Variants in ROBO2 observed in about 807,000 individuals in gnomAD.
ROBO2 encodes roundabout guidance receptor 2, also known as roundabout homolog 2.
A neutral mutation model predicts 160.8 loss-of-function variants in ROBO2; 53 were observed. That is an observed-to-expected ratio of 0.33 (90% CI 0.26 to 0.41). ROBO2 has a LOEUF of 0.41. Among genes scored for constraint, ROBO2 ranks in the 10% least tolerant of loss-of-function variants. ROBO2 has a pLI of 1.00. For synonymous variants in ROBO2, 664 were observed against 611.7 expected (o/e 1.09, Z -1.26); for missense variants, 1,577 against 1,722.4 (o/e 0.92, Z 1.49).
intron 2 of ROBO2, among the ~76,000 whole-genome samples, chr3:76,199,724 T>G (rs1559633578): frequency 6.6e-6 from 1 of 152,168 alleles, no homozygotes; most frequent in Non-Finnish European, 1.5e-5. Flanking sequence ...TCTAGTTTTG[T>G]TCCCACTTCC....
At chr3:77,072,333 T>G (rs1430617201) in intron 1 of ROBO2, among the ~76,000 whole-genome samples, 2 of 152,160 alleles carry the variant, frequency 1.3e-5, no homozygotes, top group African/African-American at 4.8e-5. Context: ...GGAAATAAAG[T>G]GCACAGTAAA....
At chr3:76,998,069 A>G (rs564719106) in intron 2 of ROBO2, among the ~76,000 whole-genome samples, 37 of 152,310 alleles carry the variant, frequency 2.4e-4, no homozygotes, top group Admixed American at 2.0e-3. Context: ...GCAAGCCACA[A>G]GACCAGCTCA....
At chr3:76,547,111 C>A (rs901129164) in intron 2 of ROBO2, among the ~76,000 whole-genome samples, 3 of 151,916 alleles carry the variant, frequency 2.0e-5, no homozygotes, top group African/African-American at 4.8e-5. Context: ...TTGATACAGT[C>A]CAACTAGTAT....
chr3:77,194,218 A>G (rs966727878), intron 2 of ROBO2, among the ~76,000 whole-genome samples: 2 of 152,200 alleles, frequency 1.3e-5, no homozygotes, highest in Non-Finnish European at 2.9e-5. Flanking sequence ...CAATCAATTT[A>G]CAGACTTGCT....
In ROBO2 at chr3:75,997,499, C is replaced by CTTTTTTTTTTTTTTTT. The variant is rs56890342; in HGVS notation, c.109+59908_109+59909insTTTTTTTTTTTTTTTT. ...AAGGCATTTGTTTTGTTCATCCATT[C>CTTTTTTTTTTTTTTTT]TTTTTTTTTTTGAGACGGAGTCTCT... On this transcript the variant is annotated intron_variant, in intron 2 of 26. Coordinates refer to the ROBO2 transcript ENST00000487694. 3.0e-4 allele frequency among the ~76,000 whole-genome samples: 38 copies of CTTTTTTTTTTTTTTTT among 126,502 alleles called. 6 individuals are homozygous for CTTTTTTTTTTTTTTTT. The highest frequency in any genetic ancestry group is 3.1e-4 in the Non-Finnish European group (19 of 60,832). 83.0% of individuals were successfully genotyped at this position (126,502 alleles called of 152,430 possible).
At position 75,995,949 on chromosome 3, in the gene ROBO2, G is replaced by A. The variant is rs527615831; in HGVS notation, c.109+58347G>A. ...TTGGCCAATTTCTCCCTTTTGGAAT[G>A]GGTGCATTTACCCAATGCTTATACC... On this transcript the variant is annotated intron_variant, in intron 2 of 26. Coordinates refer to the ROBO2 transcript ENST00000487694. Among the ~76,000 whole-genome samples, 7 of 152,262 alleles carry A rather than the reference G, an allele frequency of 4.6e-5. No homozygotes were observed. The East Asian group carries it at 1.4e-3, about 29-fold the overall frequency.
chr3:76,701,900 G>T (rs548219697), intron 2 of ROBO2, among the ~76,000 whole-genome samples: 1 of 150,738 alleles, frequency 6.6e-6, no homozygotes, highest in African/African-American at 2.4e-5. Flanking sequence ...GTTGTTCGGA[G>T]AACTGTATGT....
chr3:76,930,914 C>G (rs1252257590), intron 2 of ROBO2, among the ~76,000 whole-genome samples: 2 of 152,208 alleles, frequency 1.3e-5, no homozygotes, highest in African/African-American at 4.8e-5. Flanking sequence ...ACAGACACAT[C>G]CAAAAACAGT....
At chr3:76,303,620 G>C (rs995609659) in intron 2 of ROBO2, among the ~76,000 whole-genome samples, 1 of 151,984 alleles carries the variant, frequency 6.6e-6, no homozygotes, top group African/African-American at 2.4e-5. Flanking sequence ...AAAAAAAAGA[G>C]GGAGCAAAAT....
intron 2 of ROBO2, among the ~76,000 whole-genome samples, chr3:77,437,784 G>A (rs1001465635): frequency 6.6e-6 from 1 of 151,768 alleles, no homozygotes; most frequent in African/African-American, 2.4e-5. Flanking sequence ...ATCAAAAGAA[G>A]CCTTCCATCA....
At position 77,338,552 on chromosome 3, in the gene ROBO2, TA is replaced by T. The variant is rs2066733112; in HGVS notation, c.389-138859del. Among the ~76,000 whole-genome samples, 3 of 152,180 alleles carry T rather than the reference TA, an allele frequency of 2.0e-5. No individual in the cohort carries two copies. In the South Asian group the frequency reaches 6.2e-4, roughly 31 times the overall value. On this transcript the variant is annotated intron_variant, in intron 2 of 25. Transcript: ENST00000461745. ...GAGACAATGTTGTGGCAATTATTTT[TA>T]AATAACTTATTAAACTTTATAAAAT...
At chr3:77,494,025 A>C (rs536676999) in intron 5 of ROBO2, among the ~76,000 whole-genome samples, 10 of 152,318 alleles carry the variant, frequency 6.6e-5, no homozygotes, top group East Asian at 3.9e-4. Context: ...CCTGTATTCA[A>C]AAATGCTTTT....
At chr3:76,465,923 T>TTTTTCCTACCATACA (rs1256823956) in intron 2 of ROBO2, among the ~76,000 whole-genome samples, 4 of 151,742 alleles carry the variant, frequency 2.6e-5, no homozygotes, top group African/African-American at 9.7e-5. Context: ...CACTGGCCCT[T>TTTTTCCTACCATACA]TTTTCCTACC....
At chr3:76,352,914 A>T (rs2074961510) in intron 2 of ROBO2, among the ~76,000 whole-genome samples, 1 of 152,020 alleles carries the variant, frequency 6.6e-6, no homozygotes. Context: ...AGCAAGGCAC[A>T]CGTGGCTTTT....
intron 2 of ROBO2, among the ~76,000 whole-genome samples, chr3:76,965,819 T>C (rs1476167624): frequency 8.7e-6 from 1 of 114,434 alleles, no homozygotes; most frequent in African/African-American, 3.9e-5. Flanking sequence ...ATTTCTTTAA[T>C]ATTAATTATT....
intron 2 of ROBO2, among the ~76,000 whole-genome samples, chr3:76,658,518 G>A (rs1278005062): frequency 6.6e-6 from 1 of 152,028 alleles, no homozygotes; most frequent in Non-Finnish European, 1.5e-5. Flanking sequence ...CCCGGCATGT[G>A]ATGTTCCCCT....
intron 1 of ROBO2, among the ~76,000 whole-genome samples, chr3:75,933,795 A>G (rs1171508166): frequency 6.6e-6 from 1 of 152,212 alleles, no homozygotes; most frequent in East Asian, 1.9e-4. Flanking sequence ...CCACAGATAG[A>G]AGCCAGAGAT....
intron 2 of ROBO2, among the ~76,000 whole-genome samples, chr3:76,166,136 A>G (rs2072828003): frequency 6.6e-6 from 1 of 152,238 alleles, no homozygotes; most frequent in African/African-American, 2.4e-5. Flanking sequence ...GACTTGTTGG[A>G]CACAATGTTA....
intron 2 of ROBO2, among the ~76,000 whole-genome samples, chr3:76,210,750 T>C (rs1703092099): frequency 6.6e-6 from 1 of 152,154 alleles, no homozygotes; most frequent in Non-Finnish European, 1.5e-5. Context: ...ATAAAGTATC[T>C]AATCATGCAA....
Sources: allele counts gnomAD v4.1 joint callset (sites outside exome capture counted in the v4.1 genomes callset), GRCh38; gene constraint gnomAD v4.1.1; transcripts MANE v1.5; gene names NCBI Gene and HGNC (gene_info 2026-07-23, HGNC 2026-07-21).